PIBF1: variants seen among roughly 807,000 people sequenced by gnomAD.
PIBF1 encodes the protein progesterone-induced-blocking factor 1.
In PIBF1, 90 loss-of-function variants were observed where a neutral mutation model predicts 112.5. That is an observed-to-expected ratio of 0.80 (90% CI 0.67 to 0.95). PIBF1 has a LOEUF of 0.95. PIBF1 is among the 40% of genes least tolerant of loss of function. The pLI is 0.00. For missense variants in PIBF1, 915 were observed against 852.3 expected (o/e 1.07, Z -0.92); for synonymous variants, 301 against 288.6 (o/e 1.04, Z -0.44).
In PIBF1 at chr13:72,895,118, A is replaced by C. The variant is rs150205836; in HGVS notation, c.1488+1169A>C. Among the ~76,000 whole-genome samples, 9 of 152,146 alleles carry C rather than the reference A, an allele frequency of 5.9e-5. 1 individual carries two copies. The highest frequency in any genetic ancestry group is 2.2e-4 in the African/African-American group (9 of 41,542). ...TGGCCTGGCAACAGAGCAAGACTAC[A>C]TCAAAAAAATTTTTTAAAGTAAATA... On this transcript the variant is annotated intron_variant, in intron 11 of 17. Coordinates refer to ENST00000326291, the MANE Select transcript of PIBF1 (RefSeq NM_006346.4).
chr13:72,825,139 G>A (rs760859102), intron 6 of PIBF1, among the ~76,000 whole-genome samples: 4 of 152,098 alleles, frequency 2.6e-5, no homozygotes, highest in Non-Finnish European at 5.9e-5. Flanking sequence ...GATGATAATA[G>A]ATCCTTGGAT....
chr13:73,007,809 C>A (rs1197391994), intron 17 of PIBF1, among the ~76,000 whole-genome samples: 27 of 135,830 alleles, frequency 2.0e-4, no homozygotes, highest in African/African-American at 5.0e-4. Context: ...AACTCCATCT[C>A]AAAAAAAAAA....
intron 13 of PIBF1, among the ~76,000 whole-genome samples, chr13:72,919,062 C>T (rs1390055045): frequency 1.3e-5 from 2 of 152,070 alleles, no homozygotes; most frequent in Admixed American, 6.6e-5. Context: ...TGCAGGATAC[C>T]TAGTAAAATT....
rs1357920991 is a variant in PIBF1 at position 72,987,869 on chromosome 13, T to A, written c.2050-10953T>A. Among the ~76,000 whole-genome samples, 31 of 115,282 alleles carry A rather than the reference T, an allele frequency of 2.7e-4. 1 individual carries two copies. Among genetic ancestry groups the A allele is most frequent in the African/African-American group, 9.7e-4 (29 of 29,938 alleles). 75.6% of individuals were successfully genotyped at this position (115,282 alleles called of 152,430 possible). A position where few individuals can be genotyped will look rare whatever the true frequency, so the allele number is the denominator to read the frequency against. ...TTATTTATTTATTTATTTTTTTTTTTTTTTTTTTTTTTGAGGCAGAGTCTC... is the reference window on the plus strand; with the variant it reads ...TTATTTATTTATTTATTTTTTTTTTATTTTTTTTTTTTGAGGCAGAGTCTC... On this transcript the variant is annotated intron_variant, in intron 16 of 17. Transcript: ENST00000326291.
chr13:72,815,485 A>C (rs1024289319), intron 5 of PIBF1, among the ~76,000 whole-genome samples: 1 of 152,226 alleles, frequency 6.6e-6, no homozygotes, highest in African/African-American at 2.4e-5. Flanking sequence ...GGAACATGGA[A>C]GCATCGTACC....
intron 16 of PIBF1, among the ~76,000 whole-genome samples, chr13:72,998,087 AC>A (rs1484563210): frequency 2.6e-5 from 4 of 152,212 alleles, no homozygotes; most frequent in African/African-American, 9.6e-5. Context: ...TATTAAACTT[AC>A]TGTTTAACTG....
At chr13:72,782,734 G>C (rs1387141325) in intron 1 of PIBF1, among the ~76,000 whole-genome samples, 1 of 152,062 alleles carries the variant, frequency 6.6e-6, no homozygotes, top group African/African-American at 2.4e-5. Flanking sequence ...ATATCCTGTT[G>C]TTTTCATTCT....
chr13:72,844,764 C>CGGATG (rs368403113), intron 9 of PIBF1, among the ~76,000 whole-genome samples: 12 of 107,960 alleles, frequency 1.1e-4, no homozygotes, highest in South Asian at 3.2e-4. Context: ...CACACACACA[C>CGGATG]ACACACACAC....
At chr13:72,920,215 C>T (rs919406320) in intron 13 of PIBF1, among the ~76,000 whole-genome samples, 2 of 152,164 alleles carry the variant, frequency 1.3e-5, no homozygotes, top group Non-Finnish European at 2.9e-5. Context: ...TATCACTGAG[C>T]TATCTATGTG....
intron 13 of PIBF1, among the ~76,000 whole-genome samples, chr13:72,926,858 C>T (rs776541468): frequency 6.6e-6 from 1 of 152,088 alleles, no homozygotes; most frequent in South Asian, 2.1e-4. Context: ...TTTAAATTTG[C>T]CTGTCTTCCT....
intron 10 of PIBF1, among the ~76,000 whole-genome samples, chr13:72,878,854 T>G (rs1365687954): frequency 1.3e-5 from 2 of 152,194 alleles, no homozygotes; most frequent in Non-Finnish European, 2.9e-5. Context: ...CCCTTTATCA[T>G]GTAGTGCCCC....
At chr13:72,838,041 C>A (rs1193500710) in intron 9 of PIBF1, among the ~76,000 whole-genome samples, 2 of 152,108 alleles carry the variant, frequency 1.3e-5, no homozygotes, top group Non-Finnish European at 2.9e-5. Flanking sequence ...TCTGAAAGTT[C>A]AAAATGCAGA....
chr13:72,835,672 G>C (rs1402971908), intron 9 of PIBF1, among the ~76,000 whole-genome samples: 1 of 152,054 alleles, frequency 6.6e-6, no homozygotes, highest in East Asian at 1.9e-4. Context: ...AGAGTGCTGA[G>C]ATATCAGTTC....
chr13:72,973,648 T>G lies in PIBF1; in HGVS notation c.2022T>G (p.Asp674Glu), dbSNP rs778671513. The change falls in exon 16 of 18, where the codon GAT becomes GAG. Residue 674 changes from aspartate to glutamate, a missense_variant. Physicochemically the swap from Asp to Glu is conservative, Grantham distance 45. Coordinates refer to ENST00000326291, the MANE Select transcript of PIBF1 (RefSeq NM_006346.4). Reference protein sequence around the residue: ...LLQTKNQMALDLEQLLNHREE... With the variant: ...LLQTKNQMALELEQLLNHREE... ...AGACGAAGAATCAAATGGCATTAGATTTAGAACAACTTCTAAATCATCGTG... is the reference window on the plus strand; with the variant it reads ...AGACGAAGAATCAAATGGCATTAGAGTTAGAACAACTTCTAAATCATCGTG... 7 of 1,577,266 alleles carry G rather than the reference T, an allele frequency of 4.4e-6. No homozygotes were observed. In the Admixed American group the frequency reaches 1.1e-4, roughly 24 times the overall value.
At chr13:72,845,254 C>G (rs2138267850) in intron 9 of PIBF1, among the ~76,000 whole-genome samples, 1 of 151,212 alleles carries the variant, frequency 6.6e-6, no homozygotes, top group East Asian at 2.0e-4. Flanking sequence ...GTTTTCTGTT[C>G]CTGTGTTTGC....
At chr13:72,947,799 C>A (rs1270125789) in intron 14 of PIBF1, among the ~76,000 whole-genome samples, 1 of 152,124 alleles carries the variant, frequency 6.6e-6, no homozygotes, top group Non-Finnish European at 1.5e-5. Context: ...ATATTTATTG[C>A]AGCACTATTC....
chr13:72,835,370 T>TAA lies in PIBF1; in HGVS notation c.1223+14_1223+15dup, dbSNP rs200683940. 9,364 of 1,344,574 alleles carry TAA rather than the reference T, an allele frequency of 7.0e-3. 35 individuals are homozygous for TAA. In the East Asian group the frequency reaches 0.083, roughly 12 times the overall value. The allele number at this position is 1,344,574 out of a possible 1,614,324, so 83.3% of individuals were successfully genotyped here. A position where few individuals can be genotyped will look rare whatever the true frequency, so the allele number is the denominator to read the frequency against. On this transcript the variant is annotated splice_region_variant and intron_variant, in intron 9 of 17. Transcript: ENST00000326291. ...GGAAATGTATGAACGAGAAAACAGGTAAAAAAAAAAAAATGCTTGTATGGT... is the reference window on the plus strand; with the variant it reads ...GGAAATGTATGAACGAGAAAACAGGTAAAAAAAAAAAAAAATGCTTGTATGGT...
chr13:72,844,774 C>T (rs986566839), intron 9 of PIBF1, among the ~76,000 whole-genome samples: 1 of 133,610 alleles, frequency 7.5e-6, no homozygotes, highest in Non-Finnish European at 1.6e-5. Context: ...CACACACACA[C>T]ACACACACAC....
At chr13:72,784,865 AT>A (rs1269657901) in intron 2 of PIBF1, among the ~76,000 whole-genome samples, 3 of 152,178 alleles carry the variant, frequency 2.0e-5, no homozygotes, top group African/African-American at 7.2e-5. Flanking sequence ...CATATGAGGT[AT>A]TTTGTTGTTT....
Sources: allele counts gnomAD v4.1 joint callset (sites outside exome capture counted in the v4.1 genomes callset), GRCh38; gene constraint gnomAD v4.1.1; transcripts MANE v1.5; gene names NCBI Gene and HGNC (gene_info 2026-07-23, HGNC 2026-07-21).